The following CRAMP1 variants were observed in gnomAD, a reference collection of about 807,000 sequenced individuals.
CRAMP1 encodes the protein protein cramped-like.
CRAMP1 carries 50 observed loss-of-function variants against 115.4 expected under a neutral mutation model. The observed-to-expected ratio is 0.43, with a 90% CI of 0.35 to 0.55. The LOEUF (loss-of-function observed/expected upper bound fraction) is 0.55. CRAMP1 is among the 20% of genes least tolerant of loss of function. CRAMP1 has a pLI of 0.01. For missense variants in CRAMP1, 1,679 were observed against 1,721.7 expected (o/e 0.98, Z 0.44); for synonymous variants, 866 against 745.4 (o/e 1.16, Z -2.64).
intron 1 of CRAMP1, among the ~76,000 whole-genome samples, chr16:1,613,984 G>T (rs2036390850): frequency 6.6e-6 from 1 of 151,886 alleles, no homozygotes; most frequent in Non-Finnish European, 1.5e-5. Context: ...GGAGTTCCCC[G>T]TGCGGGCAGG....
At chr16:1,646,626 C>A (rs1037330796) in intron 6 of CRAMP1, among the ~76,000 whole-genome samples, 2 of 152,160 alleles carry the variant, frequency 1.3e-5, no homozygotes, top group African/African-American at 4.8e-5. Context: ...TCTTTTTGTT[C>A]ACTTACTGTC....
At position 1,670,495 on chromosome 16, in the gene CRAMP1, G is replaced by A. The variant is rs79644171; in HGVS notation, c.3500-169G>A. ...CACGAAGGCCTGTTAAACGAGAAGA[G>A]CTCGTCACGGCGTGTTGAGTCCCTC... On this transcript the variant is annotated intron_variant, in intron 19 of 20. Transcript: ENST00000397412. The A allele has an allele frequency of 4.1e-3, 2,834 of 686,564 alleles. 46 individuals are homozygous for A. In the African/African-American group the frequency reaches 0.043, roughly 10 times the overall value. 42.5% of individuals were successfully genotyped at this position (686,564 alleles called of 1,614,324 possible).
chr16:1,664,034 C>T (rs2036854341), intron 13 of CRAMP1, among the ~76,000 whole-genome samples: 1 of 152,198 alleles, frequency 6.6e-6, no homozygotes, highest in African/African-American at 2.4e-5. Flanking sequence ...CGCTACTAGG[C>T]TGCAGCCTAC....
At chr16:1,622,660 C>T (rs1291560137) in intron 2 of CRAMP1, among the ~76,000 whole-genome samples, 1 of 152,080 alleles carries the variant, frequency 6.6e-6, no homozygotes, top group Non-Finnish European at 1.5e-5. Context: ...GTGGCCCAGG[C>T]TGGTCTTGAA....
At chr16:1,639,116 G>A (rs1230165470) in intron 5 of CRAMP1, among the ~76,000 whole-genome samples, 3 of 151,996 alleles carry the variant, frequency 2.0e-5, no homozygotes, top group African/African-American at 7.2e-5. Context: ...CCCAGATAAA[G>A]GAAAACCCCA....
At chr16:1,619,644 G>A (rs1403191896) in intron 2 of CRAMP1, among the ~76,000 whole-genome samples, 1 of 152,206 alleles carries the variant, frequency 6.6e-6, no homozygotes, top group Non-Finnish European at 1.5e-5. Context: ...TACAAACAGT[G>A]GAGTTCTAGT....
rs2036959707 is a variant in CRAMP1 at position 1,675,462 on chromosome 16, C to G, written c.*1417C>G. ...CTACTCTCCCTCCTCCCCACCATTC[C>G]TCTTCCCCCACATGTGTGGCACGCT... On this transcript the variant is annotated 3_prime_UTR_variant, in exon 21 of 21. Transcript: ENST00000397412. The G allele has an allele frequency of 6.6e-6, 1 of 152,632 alleles. No individual in the cohort carries two copies. Among genetic ancestry groups the G allele is most frequent in the African/African-American group, 2.4e-5 (1 of 41,472 alleles). The allele number at this position is 152,632 out of a possible 1,614,324, so 9.5% of individuals were successfully genotyped here.
At chr16:1,636,280 A>AG (rs1205516796) in intron 4 of CRAMP1, among the ~76,000 whole-genome samples, 1 of 152,094 alleles carries the variant, frequency 6.6e-6, no homozygotes, top group African/African-American at 2.4e-5. Flanking sequence ...CTGAGGCAGG[A>AG]GAATCCCTTG....
intron 11 of CRAMP1, among the ~76,000 whole-genome samples, chr16:1,660,904 A>G (rs1384476575): frequency 6.6e-6 from 1 of 152,126 alleles, no homozygotes; most frequent in Non-Finnish European, 1.5e-5. Context: ...AGCTACTCCG[A>G]AGGCTGAGGC....
Position 1,615,110 on chromosome 16 carries a change from C to T in CRAMP1, c.346+125C>T, listed in dbSNP as rs527826310. The T allele has an allele frequency of 7.9e-4, 377 of 479,820 alleles. 2 individuals carry two copies. Among genetic ancestry groups the T allele is most frequent in the African/African-American group, 6.8e-3 (337 of 49,426 alleles). The allele number at this position is 479,820 out of a possible 1,614,324, so 29.7% of individuals were successfully genotyped here. A position where few individuals can be genotyped will look rare whatever the true frequency, so the allele number is the denominator to read the frequency against. On this transcript the variant is annotated intron_variant, in intron 2 of 20. Transcript: ENST00000397412. ...CCATCCCGCGGCCTACACTGAGGCT[C>T]TCAATTTGGGTGGCACTTATGGGGC...
chr16:1,643,203 G>C (rs1191005552), intron 6 of CRAMP1, among the ~76,000 whole-genome samples: 1 of 152,182 alleles, frequency 6.6e-6, no homozygotes, highest in Non-Finnish European at 1.5e-5. Flanking sequence ...CAGGACTAGA[G>C]GTGCTGGCTA....
intron 2 of CRAMP1, among the ~76,000 whole-genome samples, chr16:1,625,126 G>A (rs1646051428): frequency 2.0e-5 from 3 of 152,148 alleles, no homozygotes; most frequent in African/African-American, 4.8e-5. Flanking sequence ...GTTATCACAG[G>A]GATATGCTGA....
At chr16:1,644,733 C>G (rs1195863016) in intron 6 of CRAMP1, among the ~76,000 whole-genome samples, 4 of 152,100 alleles carry the variant, frequency 2.6e-5, no homozygotes, top group Non-Finnish European at 4.4e-5. Flanking sequence ...TGGGCCAGGC[C>G]CAGCTCTGAG....
At chr16:1,652,367 G>A in intron 6 of CRAMP1, 129 bp from the exon 7 acceptor site, 1 of 694,984 alleles carries the variant, frequency 1.4e-6, no homozygotes, top group Non-Finnish European at 2.5e-6. Context: ...TCCTACGCGG[G>A]CTCGAGAGGC....
intron 11 of CRAMP1, among the ~76,000 whole-genome samples, chr16:1,660,425 A>G (rs1314505268): frequency 2.6e-5 from 4 of 152,226 alleles, no homozygotes; most frequent in Middle Eastern, 6.8e-3. Context: ...TTTTCTTTAC[A>G]TGTAAAACCT....
intron 4 of CRAMP1, among the ~76,000 whole-genome samples, chr16:1,634,078 C>T (rs1159182147): frequency 6.6e-6 from 1 of 151,656 alleles, no homozygotes; most frequent in Admixed American, 6.6e-5. Flanking sequence ...CTGCCATCCA[C>T]TGTGGCTGGT....
intron 5 of CRAMP1, among the ~76,000 whole-genome samples, chr16:1,640,393 C>T (rs1014952979): frequency 1.3e-5 from 2 of 152,158 alleles, no homozygotes; most frequent in Non-Finnish European, 1.5e-5. Context: ...TTCCTCCGTG[C>T]GAGGTGCATT....
intron 6 of CRAMP1, among the ~76,000 whole-genome samples, chr16:1,649,792 T>C (rs1230027316): frequency 7.0e-6 from 1 of 143,284 alleles, no homozygotes; most frequent in Non-Finnish European, 1.5e-5. Context: ...ACTATTTTTT[T>C]TTTTTTTTTT....
chr16:1,667,933 G>T, intron 17 of CRAMP1, 29 bp from the exon 18 acceptor site: 1 of 1,428,340 alleles, frequency 7.0e-7, no homozygotes. Context: ...AGACCTGGTT[G>T]TGTCTGAAAA....
Sources: allele counts gnomAD v4.1 joint callset (sites outside exome capture counted in the v4.1 genomes callset), GRCh38; gene constraint gnomAD v4.1.1; transcripts MANE v1.5; gene names NCBI Gene and HGNC (gene_info 2026-07-23, HGNC 2026-07-21).